Variants in DIAPH3 observed in about 807,000 individuals in gnomAD.
DIAPH3 encodes the protein diaphanous related formin 3.
DIAPH3 carries 117 observed loss-of-function variants against 144.3 expected under a neutral mutation model. That is an observed-to-expected ratio of 0.81 (90% CI 0.70 to 0.95). The LOEUF (loss-of-function observed/expected upper bound fraction) is 0.95. Among genes scored for constraint, DIAPH3 ranks in the 40% least tolerant of loss-of-function variants. The probability of loss-of-function intolerance (pLI) is 0.00; values close to 1 mark genes in which losing one functional copy is unlikely to be tolerated. For synonymous variants in DIAPH3, 519 were observed against 488.9 expected, an observed-to-expected ratio of 1.06 and a Z score of -0.81; for missense variants, 1,421 against 1,412.7, an observed-to-expected ratio of 1.01 and a Z score of -0.09.
intron 5 of DIAPH3, among the ~76,000 whole-genome samples, chr13:60,026,285 A>G (rs1566676656): frequency 6.6e-6 from 1 of 152,156 alleles, no homozygotes; most frequent in African/African-American, 2.4e-5. Flanking sequence ...GGAAAGGGGT[A>G]CTTTTTCTAT....
At chr13:59,807,131 C>T (rs1287453875) in intron 25 of DIAPH3, among the ~76,000 whole-genome samples, 2 of 151,700 alleles carry the variant, frequency 1.3e-5, no homozygotes, top group African/African-American at 4.8e-5. Flanking sequence ...TTATATGACT[C>T]ACTTGGTAAT....
rs542330501 is a variant in DIAPH3, at chr13:59,975,419, G to GT, written c.1546-964dup. On this transcript the variant is annotated intron_variant, in intron 14 of 27. Transcript: ENST00000400324. ...TAGTCCCTCATAGCTAGTAAAAGAT[G>GT]TGAGATTAAAAAGCCAGATTCCCCG... Among the ~76,000 whole-genome samples the GT allele has an allele frequency of 2.2e-4, 33 of 152,108 alleles. No homozygotes were observed. The East Asian group carries it at 5.4e-3, about 25-fold the overall frequency.
chr13:59,722,658 T>C (rs1206259861), intron 27 of DIAPH3, among the ~76,000 whole-genome samples: 1 of 152,170 alleles, frequency 6.6e-6, no homozygotes, highest in African/African-American at 2.4e-5. Flanking sequence ...TATGCTGGTG[T>C]GGATTGTAAC....
At chr13:59,879,866 C>G in intron 20 of DIAPH3, among the ~76,000 whole-genome samples, 2 of 152,234 alleles carry the variant, frequency 1.3e-5, no homozygotes, top group Middle Eastern at 6.8e-3. Context: ...AAAACACATT[C>G]AGAAAAGTCT....
At chr13:59,742,682 A>C (rs999502480) in intron 27 of DIAPH3, among the ~76,000 whole-genome samples, 2 of 151,260 alleles carry the variant, frequency 1.3e-5, no homozygotes, top group Non-Finnish European at 2.9e-5. Context: ...GGAAGAAAGG[A>C]AGGAAGAAAG....
At chr13:60,101,317 C>T (rs541911903) in intron 3 of DIAPH3, among the ~76,000 whole-genome samples, 22 of 152,104 alleles carry the variant, frequency 1.4e-4, no homozygotes, top group South Asian at 4.1e-4. Context: ...ATCTAAAGTC[C>T]GATTTCCTTG....
intron 2 of DIAPH3, among the ~76,000 whole-genome samples, chr13:60,116,221 C>CA (rs2058699489): frequency 6.6e-6 from 1 of 151,940 alleles, no homozygotes. Context: ...GTGGAAGAGA[C>CA]AAGCACATAG....
chr13:60,032,277 T>C lies in DIAPH3; in HGVS notation c.626+10413A>G, dbSNP rs144823144. On this transcript the variant is annotated intron_variant, in intron 5 of 27. Transcript: ENST00000400324. ...AGAGCACTGACCCTCTTCTCACAGCTCAACTAGGTAGTGCCCCACTGGGGA... is the reference window on the plus strand; with the variant it reads ...AGAGCACTGACCCTCTTCTCACAGCCCAACTAGGTAGTGCCCCACTGGGGA... Among the ~76,000 whole-genome samples, 1,034 of 152,224 alleles carry C rather than the reference T, an allele frequency of 6.8e-3. 12 individuals are homozygous for C. Among genetic ancestry groups the C allele is most frequent in the Middle Eastern group, 0.014 (4 of 294 alleles).
chr13:59,963,301 A>G (rs1364735504), intron 17 of DIAPH3, among the ~76,000 whole-genome samples: 1 of 152,184 alleles, frequency 6.6e-6, no homozygotes, highest in Admixed American at 6.5e-5. Context: ...ATGAATGCAT[A>G]ATCACCTAAA....
At chr13:59,953,255 C>G (rs1163115214) in intron 17 of DIAPH3, among the ~76,000 whole-genome samples, 1 of 151,996 alleles carries the variant, frequency 6.6e-6, no homozygotes, top group Non-Finnish European at 1.5e-5. Context: ...ATCTGGGGTA[C>G]ATCATGAAGG....
At chr13:60,053,476 T>C (rs957642096) in intron 4 of DIAPH3, among the ~76,000 whole-genome samples, 9 of 152,160 alleles carry the variant, frequency 5.9e-5, no homozygotes, top group African/African-American at 2.2e-4. Flanking sequence ...ATTCCTCTTA[T>C]CATATTCTTT....
chr13:60,078,068 A>G (rs955581402), intron 4 of DIAPH3, among the ~76,000 whole-genome samples: 23 of 152,104 alleles, frequency 1.5e-4, no homozygotes, highest in South Asian at 1.0e-3. Context: ...ATGTTGACCA[A>G]TCAAGTTTGT....
At chr13:59,754,010 CT>C (rs918164838) in intron 27 of DIAPH3, among the ~76,000 whole-genome samples, 8 of 152,126 alleles carry the variant, frequency 5.3e-5, no homozygotes, top group African/African-American at 1.7e-4. Context: ...GACACCTTCA[CT>C]TTTTAGCTAT....
chr13:60,002,175 T>C (rs975254580), intron 9 of DIAPH3, among the ~76,000 whole-genome samples: 7 of 152,132 alleles, frequency 4.6e-5, no homozygotes, highest in South Asian at 2.1e-4. Flanking sequence ...ATTTACTGGA[T>C]TATGGGATTT....
At chr13:60,150,966 C>T (rs961474083) in intron 1 of DIAPH3, among the ~76,000 whole-genome samples, 2 of 152,006 alleles carry the variant, frequency 1.3e-5, no homozygotes, top group East Asian at 1.9e-4. Context: ...TGTACAGAGG[C>T]TGTAGTAGGT....
At position 59,749,209 on chromosome 13, in the gene DIAPH3, C is replaced by CAAAA. The variant is rs71197276; in HGVS notation, c.3319+24976_3319+24979dup. ...AGCCTAGGTGACTGAGACTCTGTCT[C>CAAAA]AAAAAAAAAAAAAAAAAAAAAAAAA... On this transcript the variant is annotated intron_variant, in intron 27 of 27. Coordinates refer to ENST00000400324, the MANE Select transcript of DIAPH3 (RefSeq NM_001042517.2). Among the ~76,000 whole-genome samples, 216 of 25,082 alleles carry CAAAA rather than the reference C, an allele frequency of 8.6e-3. 19 individuals carry two copies. Among genetic ancestry groups the CAAAA allele is most frequent in the Non-Finnish European group, 0.012 (177 of 14,450 alleles). The allele number at this position is 25,082 out of a possible 152,430, so 16.5% of individuals were successfully genotyped here. A position where few individuals can be genotyped will look rare whatever the true frequency, so the allele number is the denominator to read the frequency against.
At position 59,903,140 on chromosome 13, in the gene DIAPH3, T is replaced by C. The variant is rs143306589; in HGVS notation, c.2367+8595A>G. Reference sequence around the variant, plus strand: ...ATTAAACAGAAAAGGAAGTAGTAATTACAAGAAACCAAAATGGGTTCTTGA... The same window carrying C: ...ATTAAACAGAAAAGGAAGTAGTAATCACAAGAAACCAAAATGGGTTCTTGA... On this transcript the variant is annotated intron_variant, in intron 20 of 27. Transcript: ENST00000400324. 5.7e-3 allele frequency among the ~76,000 whole-genome samples: 864 copies of C among 152,280 alleles called. 8 individuals are homozygous for C. The highest frequency in any genetic ancestry group is 0.02 in the African/African-American group (829 of 41,546).
intron 4 of DIAPH3, among the ~76,000 whole-genome samples, chr13:60,055,964 T>C (rs1456770834): frequency 2.0e-5 from 3 of 151,794 alleles, no homozygotes; most frequent in East Asian, 3.9e-4. Flanking sequence ...GTTCTGACTT[T>C]TGGAAATATG....
intron 27 of DIAPH3, among the ~76,000 whole-genome samples, chr13:59,756,444 A>AAGGAAGGAAGGAAGGAAG (rs1566265975): frequency 1.6e-5 from 2 of 122,758 alleles, no homozygotes; most frequent in African/African-American, 6.6e-5. Context: ...AAGGAAGGAA[A>AAGGAAGGAAGGAAGGAAG]GAAGGAAGGA....
Sources: allele counts gnomAD v4.1 joint callset (sites outside exome capture counted in the v4.1 genomes callset), GRCh38; gene constraint gnomAD v4.1.1; transcripts MANE v1.5; gene names NCBI Gene and HGNC (gene_info 2026-07-23, HGNC 2026-07-21).